PLAGL1: variants seen among roughly 807,000 people sequenced by gnomAD.
PLAGL1 encodes the protein PLAG1 like zinc finger 1.
In PLAGL1, 1 loss-of-function variant was observed where a neutral mutation model predicts 4.6. That is an observed-to-expected ratio of 0.22 (90% CI 0.08 to 1.03). The LOEUF (loss-of-function observed/expected upper bound fraction) is 1.03, where lower values mean the gene tolerates loss of function less well. Among genes scored for constraint, PLAGL1 ranks in the 50% least tolerant of loss-of-function variants. The probability of loss-of-function intolerance (pLI) is 0.58; values close to 1 mark genes in which losing one functional copy is unlikely to be tolerated. For missense variants in PLAGL1, 464 were observed against 570.4 expected (o/e 0.81, Z 1.90); for synonymous variants, 240 against 237.8 (o/e 1.01, Z -0.08).
At chr6:144,012,965 A>G (rs890390775), upstream of PLAGL1, among the ~76,000 whole-genome samples, 3 of 152,226 alleles carry the variant, frequency 2.0e-5, no homozygotes, top group African/African-American at 4.8e-5. This position sits in a 1 kb window ranked among gnomAD's most constrained non-coding sequence, Gnocchi z 4.8. Flanking sequence ...CAAGGGAAGT[A>G]TGCTATCTAA....
chr6:143,981,354 T>C (rs988800824), intron 2 of PLAGL1, among the ~76,000 whole-genome samples: 2 of 152,138 alleles, frequency 1.3e-5, no homozygotes, highest in Admixed American at 6.5e-5. Flanking sequence ...CTTATGCATA[T>C]GCACTAATCA....
At chr6:144,021,276 A>T (rs1795960624) in intron 1 of PLAGL1, among the ~76,000 whole-genome samples, 1 of 152,196 alleles carries the variant, frequency 6.6e-6, no homozygotes. Context: ...AGAGTAGGAT[A>T]AGAGTCTCTA....
At chr6:144,060,448 G>A (rs944973407) in intron 1 of PLAGL1, among the ~76,000 whole-genome samples, 47 of 152,154 alleles carry the variant, frequency 3.1e-4, no homozygotes, top group African/African-American at 1.1e-3. Flanking sequence ...ATTACATATA[G>A]CACCCAATAT....
chr6:143,957,955 A>G lies in PLAGL1; in HGVS notation c.-325+2514T>C, dbSNP rs1782510150. ...AATGACTACTTAGGCTGAGTCTAGG[A>G]GTATACCCGGTTGACAAATGGAGGA... On this transcript the variant is annotated intron_variant, in intron 6 of 7. Transcript: ENST00000674357. The surrounding 1 kb of genome is among the most constrained non-coding windows in gnomAD (Gnocchi z 4.2). 6.6e-6 allele frequency among the ~76,000 whole-genome samples: 1 copy of G among 152,204 alleles called. No individual in the cohort carries two copies. The highest frequency in any genetic ancestry group is 1.9e-4 in the East Asian group (1 of 5,198).
rs1462166535 is a variant in PLAGL1 at position 144,034,975 on chromosome 6, TATGTA to T, written c.-151+29488_-151+29492del. ...GAAATAAGGTAAATTGATGGATGGG[TATGTA>T]ATACATTGAGAACAGTTAAATGTTA... On this transcript the variant is annotated intron_variant, in intron 1 of 3. Transcript: ENST00000437412. The surrounding 1 kb of genome is among the most constrained non-coding windows in gnomAD (Gnocchi z 4.7). Among the ~76,000 whole-genome samples the T allele has an allele frequency of 1.2e-4, 18 of 152,310 alleles. No individual in the cohort carries two copies. In the South Asian group the frequency reaches 3.7e-3, roughly 32 times the overall value.
chr6:143,941,992 A>G lies in PLAGL1; in HGVS notation c.824T>C (p.Met275Thr). 3 of 1,594,410 alleles carry G rather than the reference A, an allele frequency of 1.9e-6. No individual in the cohort carries two copies. Among genetic ancestry groups the G allele is most frequent in the East Asian group, 2.2e-5 (1 of 44,700 alleles). ...LSPPEQAAQP[M>T]QPLPESLASL... ...GGCCAGGGACTCTGGCAGCGGCTGC[A>G]TAGGCTGGGCGGCTTGTTCTGGGGG... is the stretch of plus-strand genomic sequence containing the variant. Residue 275 changes from methionine to threonine, a missense_variant, in exon 8 of 8, where the codon ATG becomes ACG. Physicochemically the swap from Met to Thr is moderately conservative, Grantham distance 81. Around this residue, in one of 4 missense-constraint regions of PLAGL1, gnomAD observed 248 missense variants for 250.1 expected, o/e 0.99. Coordinates refer to ENST00000674357, the MANE Select transcript of PLAGL1 (RefSeq NM_001317162.2). This position sits in a 1 kb window ranked among gnomAD's most constrained non-coding sequence, Gnocchi z 6.0.
At chr6:144,045,000 C>CTTTTTTTTTTTTTTTTTTTTT (rs138373370) in intron 1 of PLAGL1, among the ~76,000 whole-genome samples, 2 of 47,338 alleles carry the variant, frequency 4.2e-5, no homozygotes, top group Admixed American at 2.1e-4. Context: ...GCAACCCCTG[C>CTTTTTTTTTTTTTTTTTTTTT]TTTTTTTTTT....
intron 1 of PLAGL1, among the ~76,000 whole-genome samples, chr6:144,035,626 A>G (rs944495765): frequency 2.0e-5 from 3 of 152,212 alleles, no homozygotes; most frequent in Admixed American, 6.5e-5. Context: ...GCATCCTTCA[A>G]TCTAATCAAG....
At chr6:144,017,237 C>T (rs759879514) in intron 1 of PLAGL1, among the ~76,000 whole-genome samples, 71 of 152,192 alleles carry the variant, frequency 4.7e-4, no homozygotes, top group Admixed American at 5.9e-4. Context: ...GCCAAACTAC[C>T]TCTTGCTGGT....
chr6:144,000,038 C>T lies in PLAGL1; in HGVS notation c.-584+8052G>A, dbSNP rs915755608. Among the ~76,000 whole-genome samples the T allele has an allele frequency of 5.9e-5, 9 of 152,104 alleles. No homozygotes were observed. The highest frequency in any genetic ancestry group is 3.3e-4 in the Admixed American group (5 of 15,270). On this transcript the variant is annotated intron_variant, in intron 1 of 7. Coordinates refer to ENST00000674357, the MANE Select transcript of PLAGL1 (RefSeq NM_001317162.2). The surrounding 1 kb of genome is among the most constrained non-coding windows in gnomAD (Gnocchi z 4.1). ...GAGGAGCAGAACTAGGAATTGAATG[C>T]AAGCAATCTGGCTTCACAGTCCAAT...
At chr6:144,009,755 G>A (rs1286530137), upstream of PLAGL1, among the ~76,000 whole-genome samples, 1 of 150,806 alleles carries the variant, frequency 6.6e-6, no homozygotes, top group Admixed American at 6.7e-5. Flanking sequence ...ACTTATGAAT[G>A]AGAACATGCG....
At chr6:143,993,860 C>G (rs1005274835) in intron 1 of PLAGL1, among the ~76,000 whole-genome samples, 2 of 152,072 alleles carry the variant, frequency 1.3e-5, no homozygotes, top group African/African-American at 4.8e-5. Flanking sequence ...TGACTGGAGA[C>G]AAACAGATAA....
rs1778414658 is a variant in PLAGL1 at position 143,940,774 on chromosome 6, C to CTTTCT, written c.*645_*649dup. ...AGATGTAACTGACAACCAGTTTAGT[C>CTTTCT]TTTCTTTAAGATAAATGAAGTGATA... On this transcript the variant is annotated 3_prime_UTR_variant, in exon 8 of 8. Coordinates refer to ENST00000674357, the MANE Select transcript of PLAGL1 (RefSeq NM_001317162.2). 6.8e-6 allele frequency: 1 copy of CTTTCT among 148,024 alleles called. No individual in the cohort carries two copies. The highest frequency in any genetic ancestry group is 1.5e-5 in the Non-Finnish European group (1 of 67,136). 9.2% of individuals were successfully genotyped at this position (148,024 alleles called of 1,614,324 possible).
intron 1 of PLAGL1, among the ~76,000 whole-genome samples, chr6:144,046,118 T>A (rs1019027394): frequency 4.6e-5 from 7 of 152,180 alleles, no homozygotes; most frequent in Non-Finnish European, 7.3e-5. Flanking sequence ...TTCCTTGCAA[T>A]GGGTTTGAAC....
Position 143,950,986 on chromosome 6 carries a change from G to A in PLAGL1, c.-324-2526C>T, listed in dbSNP as rs1013317140. On this transcript the variant is annotated intron_variant, in intron 6 of 7. Coordinates refer to ENST00000674357, the MANE Select transcript of PLAGL1 (RefSeq NM_001317162.2). The surrounding 1 kb of genome is among the most constrained non-coding windows in gnomAD (Gnocchi z 6.3). ...CATCAAAGGAGAGGAAGGCAAGGCT[G>A]TGCTTTCCTTGGACACAACTGTGCT... is the stretch of plus-strand genomic sequence containing the variant. Among the ~76,000 whole-genome samples the A allele has an allele frequency of 6.6e-6, 1 of 152,240 alleles. No homozygotes were observed. The highest frequency in any genetic ancestry group is 2.4e-5 in the African/African-American group (1 of 41,472).
chr6:143,941,926 G>T lies in PLAGL1; in HGVS notation c.890C>A (p.Pro297His), dbSNP rs1190684889. The change falls in exon 8 of 8, where the codon CCC becomes CAC. Residue 297 changes from proline (P) to histidine (H), a missense_variant. Physicochemically the swap from Pro to His is moderately conservative, Grantham distance 77 (BLOSUM62 -2). Around this residue, in one of 4 missense-constraint regions of PLAGL1, gnomAD observed 248 missense variants for 250.1 expected, o/e 0.99. Coordinates refer to ENST00000674357, the MANE Select transcript of PLAGL1 (RefSeq NM_001317162.2). This position sits in a 1 kb window ranked among gnomAD's most constrained non-coding sequence, Gnocchi z 6.0. ...PSVSPGSPPP[P>H]LPNHKYNTTS... ...GGTGTTGTACTTGTGATTGGGAAGG[G>T]GTGGCGGAGGAGAGCCAGGGGATAC... The T allele has an allele frequency of 2.5e-6, 4 of 1,610,274 alleles. No homozygotes were observed. The highest frequency in any genetic ancestry group is 1.3e-5 in the African/African-American group (1 of 74,990).
chr6:144,013,548 T>A lies in PLAGL1; in HGVS notation c.-150-44570A>T. ...TAAAACATGAAATTTATTTTCTGAG[T>A]CCGAAAGGCCAGAAGTCTGAAATCA... On this transcript the variant is annotated intron_variant, in intron 1 of 3. Transcript: ENST00000437412. The surrounding 1 kb of genome is among the most constrained non-coding windows in gnomAD (Gnocchi z 4.4). Among the ~76,000 whole-genome samples, 1 of 152,198 alleles carries A rather than the reference T, an allele frequency of 6.6e-6. No homozygotes were observed. Among genetic ancestry groups the A allele is most frequent in the South Asian group, 2.1e-4 (1 of 4,830 alleles).
chr6:143,992,542 C>T (rs1383419443), intron 1 of PLAGL1, among the ~76,000 whole-genome samples: 1 of 152,110 alleles, frequency 6.6e-6, no homozygotes, highest in African/African-American at 2.4e-5. Context: ...TAGCGGTCAG[C>T]AGGTAGCAAG....
rs2128699856 is a variant in PLAGL1 at position 144,022,764 on chromosome 6, A to T, written c.-151+41704T>A. Among the ~76,000 whole-genome samples, 1 of 152,308 alleles carries T rather than the reference A, an allele frequency of 6.6e-6. No individual in the cohort carries two copies. The highest frequency in any genetic ancestry group is 2.4e-5 in the African/African-American group (1 of 41,576). ...TTGTGAGGCCTCCCCAGCCATGTGG[A>T]ACTGTGAGTCAATTAAACCTCTTTC... On this transcript the variant is annotated intron_variant, in intron 1 of 3. Transcript: ENST00000437412. This position sits in a 1 kb window ranked among gnomAD's most constrained non-coding sequence, Gnocchi z 4.2.
Sources: gnomAD v4.1 joint callset for allele counts (sites outside exome capture counted in the v4.1 genomes callset) on GRCh38, gnomAD v4.1.1 for gene constraint, gnomAD v4.1.1 regional missense constraint, Gnocchi (gnomAD v3.1) non-coding constraint, MANE v1.5 for transcripts, NCBI Gene and HGNC (gene_info 2026-07-23, HGNC 2026-07-21) for gene names.